The following SYT17 variants were observed in gnomAD, a reference collection of about 807,000 sequenced individuals.
The protein encoded by SYT17 is synaptotagmin-17.
A neutral mutation model predicts 46.7 loss-of-function variants in SYT17; 22 were observed. That is an observed-to-expected ratio of 0.47 (90% CI 0.34 to 0.67). The LOEUF (loss-of-function observed/expected upper bound fraction) is 0.67. SYT17 is among the 30% of genes least tolerant of loss of function. SYT17 has a pLI of 0.01. For missense variants in SYT17, 519 were observed against 612.8 expected (o/e 0.85, Z 1.62); for synonymous variants, 251 against 248.4 (o/e 1.01, Z -0.10).
intron 7 of SYT17, among the ~76,000 whole-genome samples, chr16:19,244,850 A>G (rs1041512016): frequency 2.0e-5 from 3 of 152,188 alleles, no homozygotes; most frequent in Non-Finnish European, 4.4e-5. Flanking sequence ...AGTAATGTAC[A>G]TCACTTCCAC....
intron 7 of SYT17, among the ~76,000 whole-genome samples, chr16:19,261,883 C>T (rs573368730): frequency 6.6e-6 from 1 of 152,256 alleles, no homozygotes; most frequent in South Asian, 2.1e-4. Flanking sequence ...TTATTTAATT[C>T]ATTTCCTCCA....
intron 5 of SYT17, among the ~76,000 whole-genome samples, chr16:19,221,746 T>C (rs113912578): frequency 4.0e-4 from 61 of 152,254 alleles, no homozygotes; most frequent in Admixed American, 2.2e-3. Context: ...AGATGAAAGA[T>C]AGATGATAAA....
At chr16:19,180,602 G>C in intron 4 of SYT17, 63 bp downstream of exon 4, 2 of 1,600,314 alleles carry the variant, frequency 1.2e-6, no homozygotes, top group South Asian at 1.1e-5. Flanking sequence ...CTCTCCCACG[G>C]AGAGTCATGA....
chr16:19,209,658 C>A (rs1220928415), intron 5 of SYT17, among the ~76,000 whole-genome samples: 2 of 151,442 alleles, frequency 1.3e-5, no homozygotes, highest in Non-Finnish European at 2.9e-5. Flanking sequence ...ATCACAAGGT[C>A]AGGAGATCGA....
At chr16:19,207,094 C>A (rs1272664022) in intron 5 of SYT17, among the ~76,000 whole-genome samples, 5 of 152,144 alleles carry the variant, frequency 3.3e-5, no homozygotes, top group African/African-American at 1.2e-4. Flanking sequence ...GTGCCTTCCC[C>A]ATCTCTCTTG....
intron 7 of SYT17, among the ~76,000 whole-genome samples, chr16:19,231,639 G>A (rs997083380): frequency 6.6e-6 from 1 of 151,994 alleles, no homozygotes; most frequent in African/African-American, 2.4e-5. Flanking sequence ...GGGGAAGGCA[G>A]GTGGAGGAAC....
chr16:19,266,084 T>C (rs1335619126), intron 7 of SYT17, among the ~76,000 whole-genome samples: 2 of 152,218 alleles, frequency 1.3e-5, no homozygotes, highest in Non-Finnish European at 2.9e-5. Context: ...AAATTGCACA[T>C]TGACCTATGA....
chr16:19,193,341 C>T (rs1183742400), intron 5 of SYT17, among the ~76,000 whole-genome samples: 1 of 152,154 alleles, frequency 6.6e-6, no homozygotes, highest in African/African-American at 2.4e-5. Context: ...GCCAGATTGC[C>T]CACTGAAGAG....
At chr16:19,184,183 C>CT (rs767344525) in intron 5 of SYT17, 36 bp downstream of exon 5, 3 of 1,551,856 alleles carry the variant, frequency 1.9e-6, no homozygotes, top group Non-Finnish European at 2.6e-6. Context: ...CTCCTGGGAG[C>CT]TTTTTTAAAA....
chr16:19,214,081 CTATTCCCCAGT>C (rs1162917390), intron 5 of SYT17, among the ~76,000 whole-genome samples: 5 of 152,180 alleles, frequency 3.3e-5, no homozygotes, highest in Non-Finnish European at 7.3e-5. Flanking sequence ...AGACCCTACC[CTATTCCCCAGT>C]TATGACAACT....
chr16:19,174,523 CA>C (rs1310121907), intron 3 of SYT17, among the ~76,000 whole-genome samples: 1 of 152,194 alleles, frequency 6.6e-6, no homozygotes, highest in Non-Finnish European at 1.5e-5. Context: ...TCTGGTGTCC[CA>C]TCTTTCCCTC....
At chr16:19,174,970 C>T (rs1486976469) in intron 3 of SYT17, among the ~76,000 whole-genome samples, 3 of 151,916 alleles carry the variant, frequency 2.0e-5, no homozygotes, top group East Asian at 3.9e-4. Flanking sequence ...CTCGACAAAA[C>T]ATCAAAAAAT....
At chr16:19,234,749 G>T (rs1178831044) in intron 7 of SYT17, among the ~76,000 whole-genome samples, 1 of 152,262 alleles carries the variant, frequency 6.6e-6, no homozygotes, top group East Asian at 1.9e-4. Flanking sequence ...GGGGTTAAAG[G>T]CAAATCAGCC....
chr16:19,236,673 G>C (rs990522937), intron 7 of SYT17, among the ~76,000 whole-genome samples: 1 of 152,226 alleles, frequency 6.6e-6, no homozygotes, highest in African/African-American at 2.4e-5. Context: ...ATAGGGCAGA[G>C]TCCAGGAGGG....
chr16:19,192,521 G>A (rs912901007), intron 5 of SYT17, among the ~76,000 whole-genome samples: 9 of 152,150 alleles, frequency 5.9e-5, no homozygotes, highest in East Asian at 5.8e-4. Flanking sequence ...CCAGGAGTTC[G>A]AGACCAGCCT....
chr16:19,172,748 T>C lies in SYT17; in HGVS notation c.16-12T>C, dbSNP rs1164266280. On this transcript the variant is annotated splice_polypyrimidine_tract_variant and intron_variant, in intron 1 of 7. Coordinates refer to ENST00000355377, the MANE Select transcript of SYT17 (RefSeq NM_016524.4). ...TACGCCCTTGGCTTCATCGTGGATC[T>C]TAAAAGGGCAGTTGGAACCATTAAA... The C allele has an allele frequency of 6.2e-7, 1 of 1,614,006 alleles. No homozygotes were observed. The highest frequency in any genetic ancestry group is 1.7e-5 in the Admixed American group (1 of 59,998).
Position 19,256,690 on chromosome 16 carries a change from C to T in SYT17, c.1229-10190C>T, listed in dbSNP as rs769713935. ...ACCTCCGGGGCTCAAGCAGTCCTCC[C>T]GCCTCAGCCTCCCAAGTAGCTGGGA... On this transcript the variant is annotated intron_variant, in intron 7 of 7. Transcript: ENST00000355377. Among the ~76,000 whole-genome samples the T allele has an allele frequency of 3.9e-4, 59 of 151,892 alleles. 1 individual carries two copies. Among genetic ancestry groups the T allele is most frequent in the South Asian group, 8.3e-4 (4 of 4,816 alleles).
chr16:19,242,552 TCTCA>T (rs1239234523), intron 7 of SYT17, among the ~76,000 whole-genome samples: 1 of 151,870 alleles, frequency 6.6e-6, no homozygotes, highest in Non-Finnish European at 1.5e-5. Flanking sequence ...TGAGATGGGG[TCTCA>T]CTCTGTTGCC....
intron 3 of SYT17, among the ~76,000 whole-genome samples, chr16:19,175,844 A>C (rs1020497971): frequency 5.9e-5 from 9 of 152,140 alleles, no homozygotes; most frequent in African/African-American, 2.2e-4. Context: ...GAAAGTGCCA[A>C]TCATCAGTTG....
Sources: allele counts gnomAD v4.1 joint callset (sites outside exome capture counted in the v4.1 genomes callset), GRCh38; gene constraint gnomAD v4.1.1; transcripts MANE v1.5; gene names NCBI Gene and HGNC (gene_info 2026-07-23, HGNC 2026-07-21).